The following ATP1B3 variants were observed in gnomAD, a reference collection of about 807,000 sequenced individuals.
ATP1B3 encodes the protein sodium/potassium-transporting ATPase subunit beta-3.
Under a neutral mutation model 30.2 loss-of-function variants are expected in ATP1B3, and 10 were observed. That is an observed-to-expected ratio of 0.33 (90% confidence interval 0.20 to 0.56). The LOEUF (loss-of-function observed/expected upper bound fraction) is 0.56, where lower values mean the gene tolerates loss of function less well. Among genes scored for constraint, ATP1B3 ranks in the 20% least tolerant of loss-of-function variants. The probability of loss-of-function intolerance (pLI) is 0.90; values close to 1 mark genes in which losing one functional copy is unlikely to be tolerated. For synonymous variants in ATP1B3, 113 were observed against 117.0 expected, an observed-to-expected ratio of 0.97 and a Z score of 0.22; for missense variants, 238 against 336.7, an observed-to-expected ratio of 0.71 and a Z score of 2.29.
chr3:141,907,391 G>A lies in ATP1B3; in HGVS notation c.346+117G>A, dbSNP rs1437026155. 2.9e-5 allele frequency: 20 copies of A among 690,484 alleles called. 1 individual carries two copies. Among genetic ancestry groups the A allele is most frequent in the South Asian group, 2.2e-4 (9 of 40,418 alleles). The allele number at this position is 690,484 out of a possible 1,614,324, so 42.8% of individuals were successfully genotyped here. A position where few individuals can be genotyped will look rare whatever the true frequency, so the allele number is the denominator to read the frequency against. ...TCCCAGCACTTTGGGAGGCCGAAGC[G>A]GGCAGATCACCTGAGGTTAGGAGCC... is the stretch of plus-strand genomic sequence containing the variant. On this transcript the variant is annotated intron_variant, in intron 3 of 6. Transcript: ENST00000286371.
At chr3:141,886,201 CCAT>C (rs1441441965) in intron 1 of ATP1B3, among the ~76,000 whole-genome samples, 1 of 152,052 alleles carries the variant, frequency 6.6e-6, no homozygotes. Flanking sequence ...CCTAAGTAAC[CCAT>C]CGTTTCCCAC....
chr3:141,890,116 A>G (rs1577959056), intron 1 of ATP1B3, among the ~76,000 whole-genome samples: 1 of 120,524 alleles, frequency 8.3e-6, no homozygotes, highest in South Asian at 2.7e-4. Context: ...TTTGAGACAG[A>G]GTGTGGCTCG....
intron 1 of ATP1B3, among the ~76,000 whole-genome samples, chr3:141,885,699 C>T (rs1412473363): frequency 6.6e-6 from 1 of 152,148 alleles, no homozygotes; most frequent in East Asian, 1.9e-4. Context: ...CTGTCTGCCT[C>T]AGCCTCCCAA....
intron 3 of ATP1B3, among the ~76,000 whole-genome samples, chr3:141,911,808 A>AT (rs1195624036): frequency 6.6e-6 from 1 of 151,866 alleles, no homozygotes; most frequent in African/African-American, 2.4e-5. Context: ...GGTCTTTCTT[A>AT]TTTTAGGCGT....
chr3:141,891,595 T>C (rs1368531584), intron 1 of ATP1B3, among the ~76,000 whole-genome samples: 2 of 152,170 alleles, frequency 1.3e-5, no homozygotes, highest in East Asian at 1.9e-4. Flanking sequence ...TGGTGTGGTT[T>C]TTCATTACAT....
rs149766785 is a variant in ATP1B3, at chr3:141,926,046, TAAC to T, written c.*349_*351del. On this transcript the variant is annotated 3_prime_UTR_variant, in exon 7 of 7. Transcript: ENST00000286371. ...GTGCTATGTAAATATTTTATGGATA[TAAC>T]AACTGTCATATTTTGATGTCAACAG... The T allele has an allele frequency of 0.015, 2,910 of 188,148 alleles. 84 individuals carry two copies. Among genetic ancestry groups the T allele is most frequent in the African/African-American group, 0.064 (2,757 of 42,906 alleles). 11.7% of individuals were successfully genotyped at this position (188,148 alleles called of 1,614,324 possible). A position where few individuals can be genotyped will look rare whatever the true frequency, so the allele number is the denominator to read the frequency against.
intron 3 of ATP1B3, among the ~76,000 whole-genome samples, chr3:141,911,042 T>C (rs972182599): frequency 1.3e-5 from 2 of 152,088 alleles, no homozygotes; most frequent in Admixed American, 6.6e-5. Context: ...ATTCTAAAAT[T>C]TCTATCTGGA....
At chr3:141,889,754 T>C (rs865901614) in intron 1 of ATP1B3, among the ~76,000 whole-genome samples, 774 of 75,006 alleles carry the variant, frequency 0.01, 40 homozygotes, top group Middle Eastern at 0.037. Context: ...AAAAAAAATA[T>C]ATACACACAC....
At chr3:141,907,336 T>G (rs1934281182) in intron 3 of ATP1B3, 62 bp downstream of exon 3, 2 of 1,421,514 alleles carry the variant, frequency 1.4e-6, no homozygotes, top group Admixed American at 1.8e-5. Context: ...TACCAAATTG[T>G]GGGCCGGGCA....
intron 1 of ATP1B3, among the ~76,000 whole-genome samples, chr3:141,896,015 C>T (rs1934058374): frequency 6.6e-6 from 1 of 152,126 alleles, no homozygotes; most frequent in Non-Finnish European, 1.5e-5. Context: ...GCAATCCTTA[C>T]ATCTTGGTGA....
intron 6 of ATP1B3, among the ~76,000 whole-genome samples, chr3:141,924,813 C>T (rs1321434266): frequency 1.3e-5 from 2 of 151,614 alleles, no homozygotes; most frequent in African/African-American, 2.4e-5. Flanking sequence ...GTTAGCTGGG[C>T]GTGGTAGCGG....
rs201733567 is a variant in ATP1B3 at position 141,925,597 on chromosome 3, G to C, written c.736G>C (p.Val246Leu). 1.2e-6 allele frequency: 2 copies of C among 1,613,894 alleles called. No individual in the cohort carries two copies. The highest frequency in any genetic ancestry group is 1.7e-6 in the Non-Finnish European group (2 of 1,179,864). The change falls in exon 7 of 7, where the codon GTA becomes CTA. Residue 246 changes from valine to leucine, a missense_variant. Around this residue, in one of 3 missense-constraint regions of ATP1B3, gnomAD observed 50 missense variants for 62.3 expected, o/e 0.80. Transcript: ENST00000286371. ...TGCTCCTAACAACACTGGGAAAGAA[G>C]TAACAGTTGAGTGCAAGATTGATGG... ...SFAPNNTGKEVTVECKIDGSA... is the reference protein window; with the variant it reads ...SFAPNNTGKELTVECKIDGSA...
intron 1 of ATP1B3, among the ~76,000 whole-genome samples, chr3:141,902,680 A>C (rs748757117): frequency 2.0e-5 from 3 of 152,184 alleles, no homozygotes; most frequent in Non-Finnish European, 4.4e-5. Flanking sequence ...TTAAGCCCTT[A>C]ATGTTGAAAC....
At chr3:141,898,898 A>T (rs1934114963) in intron 1 of ATP1B3, among the ~76,000 whole-genome samples, 1 of 152,274 alleles carries the variant, frequency 6.6e-6, no homozygotes, top group South Asian at 2.1e-4. Flanking sequence ...GATATTATTC[A>T]GCCATAAAAA....
intron 1 of ATP1B3, among the ~76,000 whole-genome samples, chr3:141,897,561 G>A (rs1385543797): frequency 6.6e-6 from 1 of 152,098 alleles, no homozygotes; most frequent in Admixed American, 6.5e-5. Flanking sequence ...TCTTTTACTG[G>A]TAGGTTAATC....
chr3:141,891,781 G>A (rs901567358), intron 1 of ATP1B3, among the ~76,000 whole-genome samples: 2 of 151,112 alleles, frequency 1.3e-5, no homozygotes, highest in African/African-American at 4.9e-5. Flanking sequence ...ACATTATTTT[G>A]AATTTTTGGA....
At chr3:141,891,193 A>G (rs181991480) in intron 1 of ATP1B3, among the ~76,000 whole-genome samples, 1 of 152,292 alleles carries the variant, frequency 6.6e-6, no homozygotes. Flanking sequence ...GTTGATCTGT[A>G]TCTTGATTCC....
Position 141,876,765 on chromosome 3 carries a change from C to A in ATP1B3, c.-37C>A. 1 of 1,548,372 alleles carries A rather than the reference C, an allele frequency of 6.5e-7. No individual in the cohort carries two copies. The highest frequency in any genetic ancestry group is 2.4e-5 in the East Asian group (1 of 41,470). ...CCGCAGCCCTCGCCGCCTCCATCCC[C>A]GCGGCCGCAGCTCCTCTCGCCGTCC... On this transcript the variant is annotated 5_prime_UTR_variant, in exon 1 of 7. Coordinates refer to ENST00000286371, the MANE Select transcript of ATP1B3 (RefSeq NM_001679.4).
At chr3:141,881,999 G>C (rs1933735949) in intron 1 of ATP1B3, among the ~76,000 whole-genome samples, 1 of 152,122 alleles carries the variant, frequency 6.6e-6, no homozygotes, top group Admixed American at 6.6e-5. Context: ...AATTATGGTA[G>C]TACGAGTGCT....
Sources: allele counts gnomAD v4.1 joint callset (sites outside exome capture counted in the v4.1 genomes callset), GRCh38; gene constraint gnomAD v4.1.1; regional missense constraint gnomAD v4.1.1; transcripts MANE v1.5; gene names NCBI Gene and HGNC (gene_info 2026-07-23, HGNC 2026-07-21).